The following CPQ variants were observed in gnomAD, a reference collection of about 807,000 sequenced individuals.
CPQ encodes Ser-Met dipeptidase.
CPQ carries 37 observed loss-of-function variants against 45.7 expected under a neutral mutation model. The observed-to-expected ratio is 0.81, with a 90% CI of 0.62 to 1.07. The LOEUF (loss-of-function observed/expected upper bound fraction) is 1.07, where lower values mean the gene tolerates loss of function less well. CPQ is among the 50% of genes least tolerant of loss of function. CPQ has a pLI of 0.00. For missense variants in CPQ, 537 were observed against 572.9 expected (o/e 0.94, Z 0.64); for synonymous variants, 186 against 205.8 (o/e 0.90, Z 0.82).
intron 3 of CPQ, among the ~76,000 whole-genome samples, chr8:96,861,784 A>G (rs553531609): frequency 6.6e-6 from 1 of 152,286 alleles, no homozygotes. Flanking sequence ...AGAAGCCTAG[A>G]GAGAGGCCAG....
chr8:96,860,772 C>T (rs1315717250), intron 3 of CPQ, among the ~76,000 whole-genome samples: 3 of 152,082 alleles, frequency 2.0e-5, no homozygotes, highest in Non-Finnish European at 2.9e-5. Context: ...GACACTTAAC[C>T]TAAAATTCTA....
chr8:96,836,795 T>G (rs1321220016), intron 3 of CPQ, among the ~76,000 whole-genome samples: 1 of 135,640 alleles, frequency 7.4e-6, no homozygotes, highest in African/African-American at 2.6e-5. Flanking sequence ...TCACTGGCAT[T>G]TTTTTTTTTT....
At chr8:96,645,621 A>C (rs1186698745) in intron 1 of CPQ, among the ~76,000 whole-genome samples, 3 of 151,892 alleles carry the variant, frequency 2.0e-5, no homozygotes, top group African/African-American at 7.3e-5. Context: ...CAGTGGAGTC[A>C]CCGAGCCTAG....
chr8:96,741,325 CT>C (rs1810088102), intron 1 of CPQ, among the ~76,000 whole-genome samples: 1 of 152,142 alleles, frequency 6.6e-6, no homozygotes, highest in Non-Finnish European at 1.5e-5. Context: ...GTGATATCCC[CT>C]TTAACATTTT....
At chr8:96,681,962 A>G (rs1004003276) in intron 1 of CPQ, among the ~76,000 whole-genome samples, 3 of 152,146 alleles carry the variant, frequency 2.0e-5, no homozygotes, top group African/African-American at 7.2e-5. Context: ...TATTTACCCA[A>G]TGCTTGTACC....
At chr8:97,123,163 A>G (rs1332509571) in intron 7 of CPQ, among the ~76,000 whole-genome samples, 3 of 123,428 alleles carry the variant, frequency 2.4e-5, no homozygotes, top group Non-Finnish European at 1.6e-5. Context: ...AAAATAAAAT[A>G]AAATAAAATA....
chr8:96,808,788 C>T (rs1365140718), intron 2 of CPQ, among the ~76,000 whole-genome samples: 1 of 152,104 alleles, frequency 6.6e-6, no homozygotes, highest in African/African-American at 2.4e-5. Flanking sequence ...CCTCTGTTTC[C>T]TCACCCTCAA....
chr8:97,122,243 C>A (rs896960034), intron 7 of CPQ, among the ~76,000 whole-genome samples: 1 of 151,822 alleles, frequency 6.6e-6, no homozygotes, highest in African/African-American at 2.4e-5. Flanking sequence ...ATCAACTAGT[C>A]AGAAAGCAGC....
chr8:97,029,306 C>T (rs1024741687), intron 5 of CPQ, 97 bp from the exon 6 acceptor site: 35 of 1,183,096 alleles, frequency 3.0e-5, no homozygotes, highest in Non-Finnish European at 3.6e-5. Flanking sequence ...CCTCTGATTT[C>T]CTCCTTCCTC....
chr8:96,664,232 T>C (rs1409512782), intron 1 of CPQ, among the ~76,000 whole-genome samples: 2 of 152,124 alleles, frequency 1.3e-5, no homozygotes, highest in African/African-American at 4.8e-5. Context: ...ATTGGTACAG[T>C]ATGAACAGAG....
chr8:96,646,504 A>C (rs1009568303), intron 1 of CPQ, among the ~76,000 whole-genome samples: 1 of 152,186 alleles, frequency 6.6e-6, no homozygotes, highest in African/African-American at 2.4e-5. Context: ...GTGCTGGCTG[A>C]TTTGCAGGTG....
chr8:96,725,217 C>T (rs1563480160), intron 1 of CPQ, among the ~76,000 whole-genome samples: 1 of 152,024 alleles, frequency 6.6e-6, no homozygotes, highest in Non-Finnish European at 1.5e-5. Flanking sequence ...GCAACAAAAA[C>T]AAAAATTGAC....
intron 6 of CPQ, among the ~76,000 whole-genome samples, chr8:97,031,195 T>A (rs1809899115): frequency 6.7e-6 from 1 of 150,348 alleles, no homozygotes; most frequent in Non-Finnish European, 1.5e-5. Context: ...ATTCTTTTTT[T>A]TTTTTTTTTG....
intron 6 of CPQ, among the ~76,000 whole-genome samples, chr8:97,030,160 A>T (rs1197227076): frequency 6.6e-6 from 1 of 152,254 alleles, no homozygotes; most frequent in African/African-American, 2.4e-5. Context: ...CTCTAGATCA[A>T]GTCAAATGTT....
intron 3 of CPQ, among the ~76,000 whole-genome samples, chr8:96,858,866 C>T (rs1056294575): frequency 6.6e-6 from 1 of 152,140 alleles, no homozygotes; most frequent in Non-Finnish European, 1.5e-5. Flanking sequence ...TTCTTCCAGA[C>T]TTTGTTCCCA....
intron 1 of CPQ, among the ~76,000 whole-genome samples, chr8:96,688,178 A>G (rs901454943): frequency 1.4e-4 from 22 of 152,100 alleles, no homozygotes; most frequent in Admixed American, 1.4e-3. Context: ...TGTGCCCTTT[A>G]GCATTACAAG....
intron 1 of CPQ, among the ~76,000 whole-genome samples, chr8:96,722,641 A>C (rs562546366): frequency 6.6e-6 from 1 of 152,320 alleles, no homozygotes; most frequent in South Asian, 2.1e-4. Context: ...TAAGTGATAT[A>C]CTAGGCTAGT....
At chr8:97,092,563 C>T (rs754160987) in intron 7 of CPQ, 18 of 152,166 alleles carry the variant, frequency 1.2e-4, no homozygotes, top group South Asian at 2.1e-4. Flanking sequence ...CAGTAAAAAA[C>T]AATGGGGAAA....
intron 6 of CPQ, among the ~76,000 whole-genome samples, chr8:97,047,321 CT>C (rs1191949720): frequency 1.3e-5 from 2 of 152,220 alleles, no homozygotes; most frequent in Admixed American, 6.5e-5. Context: ...TGACCACATA[CT>C]TCTCTGTCAC....
Sources: gnomAD v4.1 joint callset for allele counts (sites outside exome capture counted in the v4.1 genomes callset) on GRCh38, gnomAD v4.1.1 for gene constraint, MANE v1.5 for transcripts, NCBI Gene and HGNC (gene_info 2026-07-23, HGNC 2026-07-21) for gene names.